Variants in PPIL1 observed in about 807,000 individuals in gnomAD.
PPIL1 encodes the protein peptidylprolyl isomerase like 1.
In PPIL1, 14 loss-of-function variants were observed where a neutral mutation model predicts 19.4. That is an observed-to-expected ratio of 0.72 (90% CI 0.48 to 1.13). The LOEUF is 1.13. Among genes scored for constraint, PPIL1 ranks in the 50% most tolerant of loss-of-function variants. The probability of loss-of-function intolerance (pLI) is 0.00; values close to 1 mark genes in which losing one functional copy is unlikely to be tolerated. For synonymous variants in PPIL1, 72 were observed against 73.6 expected (o/e 0.98, Z 0.11); for missense variants, 192 against 218.0 (o/e 0.88, Z 0.75).
Position 36,856,633 on chromosome 6 carries a change from T to C in PPIL1, c.233A>G (p.Tyr78Cys), listed in dbSNP as rs1774173253. 10 of 1,614,024 alleles carry C rather than the reference T, an allele frequency of 6.2e-6. No individual in the cohort carries two copies. Among genetic ancestry groups the C allele is most frequent in the African/African-American group, 1.3e-5 (1 of 74,906 alleles). The change falls in exon 3 of 4, where the codon TAT becomes TGT. Residue 78 changes from tyrosine to cysteine, a missense_variant. Tyr to Cys is a radical substitution (Grantham distance 194). Coordinates refer to ENST00000373699, the MANE Select transcript of PPIL1 (RefSeq NM_016059.5). ...AAGTTCATCTTCAAACTGTTTGCCA[T>C]AGATAGATGCACCACCTCGACCTGC... ...TGTGRGGASI[Y>C]GKQFEDELHP...
chr6:36,863,245 C>T (rs1459634638), intron 2 of PPIL1, among the ~76,000 whole-genome samples: 1 of 152,198 alleles, frequency 6.6e-6, no homozygotes, highest in Non-Finnish European at 1.5e-5. Context: ...GTTCCTCTGT[C>T]CTCAAATTTC....
chr6:36,859,844 T>TGTGTGTGTGTGTGTGTGTGTG (rs1554132501), intron 2 of PPIL1, among the ~76,000 whole-genome samples: 18 of 150,368 alleles, frequency 1.2e-4, no homozygotes, highest in South Asian at 4.2e-4. Context: ...TGTGTGTGTG[T>TGTGTGTGTGTGTGTGTGTGTG]TTTGAGACAG....
chr6:36,873,822 G>C (rs775441065), intron 1 of PPIL1, among the ~76,000 whole-genome samples: 14 of 152,128 alleles, frequency 9.2e-5, no homozygotes, highest in Non-Finnish European at 7.3e-5. Context: ...GGCTGTTGAG[G>C]GGAGAATGGC....
At chr6:36,871,493 G>A (rs1168535123) in intron 2 of PPIL1, among the ~76,000 whole-genome samples, 1 of 152,168 alleles carries the variant, frequency 6.6e-6, no homozygotes, top group Admixed American at 6.5e-5. Flanking sequence ...ACCAAGCCTA[G>A]GAGTAAAGGT....
chr6:36,856,279 G>A (rs888578061), intron 3 of PPIL1, among the ~76,000 whole-genome samples: 4 of 152,206 alleles, frequency 2.6e-5, no homozygotes, highest in African/African-American at 9.7e-5. Flanking sequence ...CTCACTAACT[G>A]TGGACCATGT....
rs560656086 is a variant in PPIL1, at chr6:36,859,921, C to T, written c.212-3267G>A. 6.6e-5 allele frequency among the ~76,000 whole-genome samples: 10 copies of T among 151,918 alleles called. No homozygotes were observed. The South Asian group carries it at 1.7e-3, about 25-fold the overall frequency. On this transcript the variant is annotated intron_variant, in intron 2 of 3. Coordinates refer to ENST00000373699, the MANE Select transcript of PPIL1 (RefSeq NM_016059.5). ...TCGGCTCACTGCAACTTCTGCCTCC[C>T]GGGTTCAAGTGATTTTCCTGCCTCA...
At chr6:36,857,291 G>A (rs986573267) in intron 2 of PPIL1, among the ~76,000 whole-genome samples, 15 of 152,330 alleles carry the variant, frequency 9.8e-5, no homozygotes, top group African/African-American at 3.6e-4. Flanking sequence ...TAGCTGGTAA[G>A]TGGCAATGTG....
intron 2 of PPIL1, among the ~76,000 whole-genome samples, chr6:36,858,177 T>C (rs952029200): frequency 1.3e-3 from 177 of 132,608 alleles, no homozygotes; most frequent in African/African-American, 4.4e-3. Flanking sequence ...GAGGTTGCAG[T>C]GAGCCGAGAT....
chr6:36,870,556 T>A (rs1277907988), intron 2 of PPIL1, among the ~76,000 whole-genome samples: 1 of 152,324 alleles, frequency 6.6e-6, no homozygotes, highest in Non-Finnish European at 1.5e-5. Flanking sequence ...GTACAACAAC[T>A]ATTTACATAG....
intron 2 of PPIL1, among the ~76,000 whole-genome samples, chr6:36,870,099 T>TA (rs11428614): frequency 0.22 from 29,576 of 132,442 alleles, 3,708 homozygotes; most frequent in East Asian, 0.38. Flanking sequence ...CCATATACAT[T>TA]AAAAAAAAAA....
intron 2 of PPIL1, among the ~76,000 whole-genome samples, chr6:36,857,590 T>C (rs1157705718): frequency 6.6e-6 from 1 of 152,102 alleles, no homozygotes; most frequent in African/African-American, 2.4e-5. Flanking sequence ...GCTGGGATTA[T>C]AGGCGTGAAC....
At position 36,855,428 on chromosome 6, in the gene PPIL1, T is replaced by G; in HGVS notation, c.*385A>C. ...GTGGCTGTCAGCCATCAAGGACTGC[T>G]GTGTAGGCCAGAATATAAATCTCCT... On this transcript the variant is annotated 3_prime_UTR_variant, in exon 4 of 4. Transcript: ENST00000373699. 3.8e-6 allele frequency: 1 copy of G among 263,550 alleles called. No homozygotes were observed. The highest frequency in any genetic ancestry group is 7.5e-6 in the Non-Finnish European group (1 of 133,184). 16.3% of individuals were successfully genotyped at this position (263,550 alleles called of 1,614,324 possible). A position where few individuals can be genotyped will look rare whatever the true frequency, so the allele number is the denominator to read the frequency against.
rs139659251 is a variant in PPIL1 at position 36,863,554 on chromosome 6, T to C, written c.212-6900A>G. Among the ~76,000 whole-genome samples, 3 of 152,290 alleles carry C rather than the reference T, an allele frequency of 2.0e-5. No homozygotes were observed. In the East Asian group the frequency reaches 5.8e-4, roughly 29 times the overall value. On this transcript the variant is annotated intron_variant, in intron 2 of 3. Transcript: ENST00000373699. ...CATTCCTGTCAGCATTTAAACATGT[T>C]ATTGATATTTCCTATTTTAAAAAGC... is the stretch of plus-strand genomic sequence containing the variant.
At chr6:36,857,452 A>G (rs1274282399) in intron 2 of PPIL1, among the ~76,000 whole-genome samples, 1 of 151,870 alleles carries the variant, frequency 6.6e-6, no homozygotes, top group Non-Finnish European at 1.5e-5. Flanking sequence ...CAGGAGTTTG[A>G]GCTGGGCCAC....
At chr6:36,873,510 T>C (rs1350357150) in intron 1 of PPIL1, among the ~76,000 whole-genome samples, 1 of 152,216 alleles carries the variant, frequency 6.6e-6, no homozygotes, top group East Asian at 1.9e-4. Flanking sequence ...GTCTGGACAA[T>C]CATCCAACAA....
chr6:36,862,563 C>A (rs1182446229), intron 2 of PPIL1, among the ~76,000 whole-genome samples: 1 of 152,210 alleles, frequency 6.6e-6, no homozygotes, highest in Non-Finnish European at 1.5e-5. Flanking sequence ...TCCCATCTTC[C>A]TTCTTTGAAA....
intron 3 of PPIL1, among the ~76,000 whole-genome samples, chr6:36,856,252 C>A (rs917510534): frequency 2.0e-5 from 3 of 152,236 alleles, no homozygotes; most frequent in African/African-American, 7.2e-5. Context: ...ATTCCCCAGC[C>A]TTGACCCCTG....
At chr6:36,857,361 G>C (rs1346010339) in intron 2 of PPIL1, among the ~76,000 whole-genome samples, 1 of 152,218 alleles carries the variant, frequency 6.6e-6, no homozygotes, top group African/African-American at 2.4e-5. Context: ...ACATCATTAA[G>C]AGAAAACAGG....
chr6:36,869,261 G>A (rs890446541), intron 2 of PPIL1, among the ~76,000 whole-genome samples: 3 of 152,160 alleles, frequency 2.0e-5, no homozygotes. Flanking sequence ...AGGCTTACAG[G>A]TGTGAGCCAC....
Sources: gnomAD v4.1 joint callset for allele counts (sites outside exome capture counted in the v4.1 genomes callset) on GRCh38, gnomAD v4.1.1 for gene constraint, MANE v1.5 for transcripts, NCBI Gene and HGNC (gene_info 2026-07-23, HGNC 2026-07-21) for gene names.